SORBS2: variants seen among roughly 807,000 people sequenced by gnomAD.
The protein encoded by SORBS2 is sorbin and SH3 domain containing 2, also known as sorbin and SH3 domain-containing protein 2.
A neutral mutation model predicts 97.7 loss-of-function variants in SORBS2; 46 were observed. The observed-to-expected ratio is 0.47, with a 90% CI of 0.37 to 0.60. The LOEUF (loss-of-function observed/expected upper bound fraction) is 0.60. Ranked by LOEUF, SORBS2 falls within the 20% of genes least tolerant of loss-of-function variation. SORBS2 has a pLI of 0.00. For synonymous variants in SORBS2, 476 were observed against 473.4 expected (o/e 1.01, Z -0.07); for missense variants, 1,316 against 1,282.3 (o/e 1.03, Z -0.40).
chr4:185,606,573 A>G lies in SORBS2; in HGVS notation c.2796+5207T>C. The G allele has an allele frequency of 8.1e-6, 8 of 985,344 alleles. No individual in the cohort carries two copies. The highest frequency in any genetic ancestry group is 9.6e-6 in the Non-Finnish European group (8 of 829,900). 61.0% of individuals were successfully genotyped at this position (985,344 alleles called of 1,614,324 possible). A position where few individuals can be genotyped will look rare whatever the true frequency, so the allele number is the denominator to read the frequency against. ...CGGTTAGTTCTTCCATAATCAGACA[A>G]AATTAAAATACCTCATTACTGGGTT... On this transcript the variant is annotated intron_variant, in intron 12 of 14. Coordinates refer to ENST00000418609, the Ensembl canonical transcript of SORBS2. This position sits in a 1 kb window ranked among gnomAD's most constrained non-coding sequence, Gnocchi z 4.3.
At chr4:185,827,186 C>T (rs867481518) in intron 1 of SORBS2, among the ~76,000 whole-genome samples, 68 of 49,322 alleles carry the variant, frequency 1.4e-3, no homozygotes, top group African/African-American at 3.4e-3. Flanking sequence ...ATCAGAATCA[C>T]CATCATCATC....
At chr4:185,809,482 A>AAAAAAAAAAAAAAAC (rs1561170208) in intron 1 of SORBS2, among the ~76,000 whole-genome samples, 2 of 147,894 alleles carry the variant, frequency 1.4e-5, no homozygotes, top group African/African-American at 5.0e-5. Context: ...AAAAAAAAAA[A>AAAAAAAAAAAAAAAC]TCTGATATAG....
Position 185,709,060 on chromosome 4 carries a change from C to G in SORBS2, c.-197-30238G>C, listed in dbSNP as rs557272793. On this transcript the variant is annotated intron_variant, in intron 2 of 20. Coordinates refer to the SORBS2 transcript ENST00000284776. ...TGAGACGGAGTCTCGCTCTGTTGCC[C>G]AGGCTGGAGTGCAGTGGCGGGATCT... Among the ~76,000 whole-genome samples the G allele has an allele frequency of 5.3e-5, 8 of 152,330 alleles. No homozygotes were observed. In the South Asian group the frequency reaches 1.7e-3, roughly 32 times the overall value.
intron 2 of SORBS2, among the ~76,000 whole-genome samples, chr4:185,682,305 G>A (rs1295222618): frequency 1.3e-5 from 2 of 152,208 alleles, no homozygotes; most frequent in South Asian, 4.1e-4. Context: ...CATTCCTTTA[G>A]GCTGACAAGG....
At chr4:185,807,712 T>G (rs2099162918) in intron 1 of SORBS2, among the ~76,000 whole-genome samples, 1 of 152,262 alleles carries the variant, frequency 6.6e-6, no homozygotes, top group Non-Finnish European at 1.5e-5. Flanking sequence ...TCTTGAGTTT[T>G]TCAGAAATAA....
intron 4 of SORBS2, among the ~76,000 whole-genome samples, chr4:185,663,848 C>CTTTTTTTTTTTTTTTTTTTT (rs56177449): frequency 1.2e-5 from 1 of 80,978 alleles, no homozygotes; most frequent in Non-Finnish European, 2.4e-5. Flanking sequence ...TAGATTTATT[C>CTTTTTTTTTTTTTTTTTTTT]TTTTTTTTTT....
intron 2 of SORBS2, among the ~76,000 whole-genome samples, chr4:185,685,891 T>C (rs2097948715): frequency 6.6e-6 from 1 of 152,220 alleles, no homozygotes; most frequent in Non-Finnish European, 1.5e-5. Flanking sequence ...TAATGTGAAA[T>C]AAAATCAGTG....
chr4:185,883,724 T>C (rs1419224190), intron 1 of SORBS2, among the ~76,000 whole-genome samples: 1 of 152,230 alleles, frequency 6.6e-6, no homozygotes, highest in Non-Finnish European at 1.5e-5. Flanking sequence ...TGGTGGCATG[T>C]GCCTGTAGTC....
At chr4:185,619,994 A>T (rs1334838151) in intron 8 of SORBS2, 69 bp downstream of exon 20, 6 of 936,514 alleles carry the variant, frequency 6.4e-6, no homozygotes, top group Non-Finnish European at 1.1e-5. Flanking sequence ...GTTTGGGATA[A>T]TTTTTGGCTG....
chr4:185,700,926 G>T (rs775176494), intron 2 of SORBS2, among the ~76,000 whole-genome samples: 2 of 152,108 alleles, frequency 1.3e-5, no homozygotes, highest in Non-Finnish European at 2.9e-5. Context: ...CCAAAAATAG[G>T]CAAGAAAAAC....
At chr4:185,846,084 A>G (rs1055801517) in intron 1 of SORBS2, among the ~76,000 whole-genome samples, 3 of 152,358 alleles carry the variant, frequency 2.0e-5, no homozygotes, top group East Asian at 3.9e-4. Context: ...ATGTTCATAC[A>G]AAAACCTGAA....
At chr4:185,875,578 A>G (rs1310653959) in intron 1 of SORBS2, among the ~76,000 whole-genome samples, 1 of 152,240 alleles carries the variant, frequency 6.6e-6, no homozygotes, top group Non-Finnish European at 1.5e-5. Flanking sequence ...AATTATGCAC[A>G]TAATCTATGA....
chr4:185,763,955 T>C (rs1224464137), intron 2 of SORBS2, among the ~76,000 whole-genome samples: 1 of 152,200 alleles, frequency 6.6e-6, no homozygotes, highest in African/African-American at 2.4e-5. Context: ...TCCTGCCAAA[T>C]GGTAATGAAA....
chr4:185,950,608 T>C (rs1160137801), intron 1 of SORBS2, among the ~76,000 whole-genome samples: 1 of 152,218 alleles, frequency 6.6e-6, no homozygotes, highest in East Asian at 1.9e-4. Flanking sequence ...GAATGCCCCT[T>C]CCAGGACTTC....
intron 2 of SORBS2, 108 bp from the exon 11 acceptor site, chr4:185,651,936 T>G (rs2097322080): frequency 2.9e-6 from 2 of 692,428 alleles, no homozygotes; most frequent in Non-Finnish European, 5.2e-6. Flanking sequence ...AGCAACGTAT[T>G]TTTCCTAGTT....
At chr4:185,657,524 C>T (rs753794088), upstream of SORBS2, 3 of 1,572,896 alleles carry the variant, frequency 1.9e-6, no homozygotes, top group East Asian at 2.4e-5. Context: ...CTCTGAGGAT[C>T]GGTACAGGGG....
At chr4:185,687,551 T>A (rs1189425368) in intron 2 of SORBS2, among the ~76,000 whole-genome samples, 1 of 152,264 alleles carries the variant, frequency 6.6e-6, no homozygotes, top group African/African-American at 2.4e-5. Flanking sequence ...ATTATTAAGT[T>A]ATTAAGTTGT....
chr4:185,741,880 G>A (rs977269261), intron 2 of SORBS2, among the ~76,000 whole-genome samples: 10 of 152,162 alleles, frequency 6.6e-5, no homozygotes, highest in Admixed American at 4.6e-4. Flanking sequence ...TAGGGTGCTC[G>A]TGGCCTCCCG....
rs1462813500 is a variant in SORBS2, at chr4:185,884,851, C to A, written c.-338+71345G>T. On this transcript the variant is annotated intron_variant, in intron 1 of 20. Transcript: ENST00000284776. Reference sequence around the variant, plus strand: ...GTATTGGCATACTCCTCTTTCAGTTCTTGGGAGAATTTACTACATACTTTA... The same window carrying A: ...GTATTGGCATACTCCTCTTTCAGTTATTGGGAGAATTTACTACATACTTTA... Among the ~76,000 whole-genome samples the A allele has an allele frequency of 6.6e-5, 10 of 152,154 alleles. No homozygotes were observed. In the East Asian group the frequency reaches 1.7e-3, roughly 26 times the overall value.
Sources: gnomAD v4.1 joint callset for allele counts (sites outside exome capture counted in the v4.1 genomes callset) on GRCh38, gnomAD v4.1.1 for gene constraint, Gnocchi (gnomAD v3.1) non-coding constraint, MANE v1.5 for transcripts, NCBI Gene and HGNC (gene_info 2026-07-23, HGNC 2026-07-21) for gene names.